Variants in PRSS23 observed in about 807,000 individuals in gnomAD.
The protein encoded by PRSS23 is protease, serine 23.
Under a neutral mutation model 34.7 loss-of-function variants are expected in PRSS23, and 25 were observed. That is an observed-to-expected ratio of 0.72 (90% CI 0.53 to 1.01). The LOEUF (loss-of-function observed/expected upper bound fraction) is 1.01. PRSS23 is among the 50% of genes least tolerant of loss of function. The probability of loss-of-function intolerance (pLI) is 0.00; values close to 1 mark genes in which losing one functional copy is unlikely to be tolerated. For missense variants in PRSS23, 445 were observed against 475.6 expected, an observed-to-expected ratio of 0.94 and a Z score of 0.60; for synonymous variants, 176 against 186.6, an observed-to-expected ratio of 0.94 and a Z score of 0.46.
chr11:86,943,958 C>G (rs1949223491), intron 2 of PRSS23, among the ~76,000 whole-genome samples: 1 of 152,000 alleles, frequency 6.6e-6, no homozygotes, highest in South Asian at 2.1e-4. Flanking sequence ...CCAGGCTGGT[C>G]TCAAACTCCT....
intron 1 of PRSS23, among the ~76,000 whole-genome samples, chr11:86,819,036 A>T (rs913907224): frequency 3.9e-5 from 6 of 152,168 alleles, no homozygotes; most frequent in Non-Finnish European, 8.8e-5. Flanking sequence ...TGAAAATGCC[A>T]ATTAGGAATG....
At chr11:86,853,822 C>T (rs549791738) in intron 2 of PRSS23, among the ~76,000 whole-genome samples, 1 of 152,242 alleles carries the variant, frequency 6.6e-6, no homozygotes, top group East Asian at 1.9e-4. Flanking sequence ...TTCCCTGTTC[C>T]TGCACAATTT....
intron 2 of PRSS23, among the ~76,000 whole-genome samples, chr11:86,907,720 A>C (rs1273652104): frequency 3.9e-5 from 6 of 152,186 alleles, no homozygotes; most frequent in African/African-American, 1.4e-4. Context: ...TTAACCTCCC[A>C]AAATGCTGGG....
chr11:86,796,102 G>T (rs1318485326), upstream of PRSS23, among the ~76,000 whole-genome samples: 1 of 152,124 alleles, frequency 6.6e-6, no homozygotes, highest in Non-Finnish European at 1.5e-5. Flanking sequence ...GAATCAAAAG[G>T]ATACTTAGAG....
chr11:86,912,328 T>G (rs1370529258), intron 2 of PRSS23: 1 of 152,234 alleles, frequency 6.6e-6, no homozygotes, highest in Non-Finnish European at 1.5e-5. Flanking sequence ...TTTCATTACA[T>G]TTGGAAAGCT....
At chr11:86,822,985 G>C (rs1004874000) in intron 1 of PRSS23, among the ~76,000 whole-genome samples, 4 of 152,208 alleles carry the variant, frequency 2.6e-5, no homozygotes, top group Non-Finnish European at 5.9e-5. Flanking sequence ...GATCCACACT[G>C]GTTACAGCTG....
At position 86,913,190 on chromosome 11, in the gene PRSS23, C is replaced by T. The variant is rs527239670; in HGVS notation, c.207-38026C>T. 3.2e-4 allele frequency among the ~76,000 whole-genome samples: 48 copies of T among 151,592 alleles called. 2 individuals carry two copies. The South Asian group carries it at 9.6e-3, about 30-fold the overall frequency. On this transcript the variant is annotated intron_variant, in intron 2 of 2. Coordinates refer to the PRSS23 transcript ENST00000533902. Reference sequence around the variant, plus strand: ...GCTGCTATAGTTACCCTGAATGCTTCCCTCTTATTCTTCTATTTGGTAAGA... The same window carrying T: ...GCTGCTATAGTTACCCTGAATGCTTTCCTCTTATTCTTCTATTTGGTAAGA...
At chr11:86,901,774 T>C (rs2134984542) in intron 2 of PRSS23, among the ~76,000 whole-genome samples, 1 of 152,264 alleles carries the variant, frequency 6.6e-6, no homozygotes, top group African/African-American at 2.4e-5. Flanking sequence ...GCTCACATAG[T>C]ATAGTATTTT....
At chr11:86,860,653 G>C (rs1432898307) in intron 2 of PRSS23, among the ~76,000 whole-genome samples, 2 of 151,856 alleles carry the variant, frequency 1.3e-5, no homozygotes, top group Non-Finnish European at 2.9e-5. Context: ...TCCCAATATC[G>C]CAGTGGGTGT....
At chr11:86,873,256 G>GTGTGTATATA (rs142908794) in intron 2 of PRSS23, among the ~76,000 whole-genome samples, 81 of 121,150 alleles carry the variant, frequency 6.7e-4, no homozygotes, top group East Asian at 2.3e-3. Flanking sequence ...ACATATATAT[G>GTGTGTATATA]TATATATATA....
chr11:86,864,198 A>G (rs1022732345), intron 2 of PRSS23, among the ~76,000 whole-genome samples: 2 of 151,628 alleles, frequency 1.3e-5, no homozygotes, highest in African/African-American at 4.9e-5. Flanking sequence ...TGTATAGCCC[A>G]TGATGGTGAT....
chr11:86,895,226 A>G (rs1054001276), intron 2 of PRSS23, among the ~76,000 whole-genome samples: 4 of 152,234 alleles, frequency 2.6e-5, no homozygotes, highest in African/African-American at 9.6e-5. Context: ...TTTGAATACC[A>G]CAGACCAAGG....
At chr11:86,821,299 C>A in intron 1 of PRSS23, 1 of 581,604 alleles carries the variant, frequency 1.7e-6, no homozygotes. Context: ...CATCAAATAT[C>A]TACCAATGAT....
At chr11:86,939,426 A>AAAAAATATATATATATATATATATATTTT (rs1555084017) in intron 2 of PRSS23, among the ~76,000 whole-genome samples, 22 of 94,072 alleles carry the variant, frequency 2.3e-4, no homozygotes, top group Non-Finnish European at 4.9e-4. Context: ...ATATATATAT[A>AAAAAATATATATATATATATATATATTTT]TTTTTTAACA....
intron 2 of PRSS23, among the ~76,000 whole-genome samples, chr11:86,930,523 G>A (rs1273568485): frequency 1.3e-5 from 2 of 152,220 alleles, no homozygotes; most frequent in East Asian, 1.9e-4. Flanking sequence ...CGGGCGCGGC[G>A]GCTCACGTCT....
intron 2 of PRSS23, among the ~76,000 whole-genome samples, chr11:86,827,115 T>A: frequency 6.6e-6 from 1 of 152,216 alleles, no homozygotes. Context: ...TGTGAATCCA[T>A]CTGGTCCTGG....
At chr11:86,830,049 G>C (rs1948338669) in intron 2 of PRSS23, among the ~76,000 whole-genome samples, 1 of 152,234 alleles carries the variant, frequency 6.6e-6, no homozygotes, top group Admixed American at 6.5e-5. Flanking sequence ...TAAGTCTGCA[G>C]AGGTTACTGC....
intron 2 of PRSS23, among the ~76,000 whole-genome samples, chr11:86,850,205 G>A (rs1020736655): frequency 6.6e-6 from 1 of 152,150 alleles, no homozygotes; most frequent in Non-Finnish European, 1.5e-5. Context: ...GCTACAAATG[G>A]TCTTACAAAT....
intron 2 of PRSS23, among the ~76,000 whole-genome samples, chr11:86,832,077 G>A (rs999914357): frequency 2.0e-5 from 3 of 151,990 alleles, no homozygotes; most frequent in Non-Finnish European, 4.4e-5. Context: ...TGTATGCCAT[G>A]TATGTACACC....
Sources: allele counts gnomAD v4.1 joint callset (sites outside exome capture counted in the v4.1 genomes callset), GRCh38; gene constraint gnomAD v4.1.1; transcripts MANE v1.5; gene names NCBI Gene and HGNC (gene_info 2026-07-23, HGNC 2026-07-21).